VPS13D: variants seen among roughly 807,000 people sequenced by gnomAD.
The protein encoded by VPS13D is intermembrane lipid transfer protein VPS13D.
Under a neutral mutation model 461.9 loss-of-function variants are expected in VPS13D, and 187 were observed. The ratio of observed to expected loss-of-function variants is 0.40; its 90% CI spans 0.36 to 0.46. The LOEUF is 0.46. VPS13D is among the 20% of genes least tolerant of loss of function. The pLI, the probability that VPS13D is intolerant of heterozygous loss-of-function variation, is 0.60. For missense variants in VPS13D, 4,711 were observed against 5,364.9 expected (o/e 0.88, Z 3.81); for synonymous variants, 1,951 against 1,986.3 (o/e 0.98, Z 0.47).
chr1:12,310,173 G>C (rs549994316), intron 27 of VPS13D, among the ~76,000 whole-genome samples: 1 of 152,050 alleles, frequency 6.6e-6, no homozygotes, highest in Non-Finnish European at 1.5e-5. Context: ...GCAGATAATT[G>C]TATTCTGTTA....
At chr1:12,288,369 C>T in intron 22 of VPS13D, 56 bp downstream of exon 22, 4 of 1,452,042 alleles carry the variant, frequency 2.8e-6, no homozygotes, top group South Asian at 1.1e-5. Context: ...AGCATTTGAA[C>T]ATTGTGATCA....
intron 56 of VPS13D, 76 bp from the exon 57 acceptor site, chr1:12,379,412 T>C: frequency 7.4e-7 from 1 of 1,355,802 alleles, no homozygotes; most frequent in Non-Finnish European, 1.0e-6. Flanking sequence ...AGCAAAGCCA[T>C]CATCCTCATG....
intron 6 of VPS13D, among the ~76,000 whole-genome samples, chr1:12,249,959 C>G (rs1640682258): frequency 6.6e-6 from 1 of 152,182 alleles, no homozygotes; most frequent in Non-Finnish European, 1.5e-5. Context: ...CCTCCCACTT[C>G]AGATGCCAGT....
intron 67 of VPS13D, among the ~76,000 whole-genome samples, chr1:12,483,840 A>C (rs1268487322): frequency 6.6e-6 from 1 of 152,122 alleles, no homozygotes; most frequent in Non-Finnish European, 1.5e-5. Flanking sequence ...TCTACTAAAA[A>C]TACAAAAATT....
intron 60 of VPS13D, among the ~76,000 whole-genome samples, chr1:12,387,823 A>G (rs945076739): frequency 1.3e-5 from 2 of 152,222 alleles, no homozygotes; most frequent in African/African-American, 4.8e-5. Context: ...AGGAACAAGA[A>G]AAAAAAGACA....
chr1:12,496,915 C>T (rs1440512233), intron 67 of VPS13D, among the ~76,000 whole-genome samples: 2 of 151,676 alleles, frequency 1.3e-5, no homozygotes, highest in African/African-American at 4.9e-5. Flanking sequence ...GGCATTCTTC[C>T]CCTCGCATGA....
intron 42 of VPS13D, among the ~76,000 whole-genome samples, chr1:12,343,967 A>C (rs1643623672): frequency 1.3e-5 from 2 of 152,238 alleles, no homozygotes; most frequent in African/African-American, 4.8e-5. Flanking sequence ...GCTAATAAGA[A>C]GACAAATTCT....
At chr1:12,394,312 G>A (rs554582002) in intron 60 of VPS13D, among the ~76,000 whole-genome samples, 2 of 152,194 alleles carry the variant, frequency 1.3e-5, no homozygotes, top group South Asian at 4.2e-4. Context: ...GAATGCAGCA[G>A]GCTTCCTATT....
At chr1:12,234,787 A>G (rs1640094601) in intron 2 of VPS13D, among the ~76,000 whole-genome samples, 1 of 152,250 alleles carries the variant, frequency 6.6e-6, no homozygotes, top group South Asian at 2.1e-4. Context: ...ATATACCTCC[A>G]GAGGGTTGCT....
At chr1:12,476,614 T>C (rs1370545848) in intron 67 of VPS13D, among the ~76,000 whole-genome samples, 1 of 152,258 alleles carries the variant, frequency 6.6e-6, no homozygotes, top group Non-Finnish European at 1.5e-5. Context: ...ATTGACTGGA[T>C]TACACATTTT....
chr1:12,324,388 C>T (rs888057216), intron 35 of VPS13D, among the ~76,000 whole-genome samples: 18 of 152,112 alleles, frequency 1.2e-4, no homozygotes. Context: ...GCCTGTAATC[C>T]AGCTACTCAG....
At chr1:12,384,407 T>C (rs1644323226) in intron 58 of VPS13D, among the ~76,000 whole-genome samples, 1 of 152,166 alleles carries the variant, frequency 6.6e-6, no homozygotes, top group Non-Finnish European at 1.5e-5. Flanking sequence ...GAGTTAGGTT[T>C]TGGACTTGTT....
intron 69 of VPS13D, among the ~76,000 whole-genome samples, chr1:12,508,423 C>T (rs887261219): frequency 3.3e-5 from 5 of 151,694 alleles, no homozygotes; most frequent in African/African-American, 1.2e-4. Flanking sequence ...TTAAAAAGAC[C>T]GGCTGGGCGC....
At chr1:12,377,088 T>G (rs1644209291) in intron 55 of VPS13D, among the ~76,000 whole-genome samples, 1 of 151,820 alleles carries the variant, frequency 6.6e-6, no homozygotes, top group Non-Finnish European at 1.5e-5. Context: ...AGACGGAGTT[T>G]CGCTCTTGTT....
At position 12,431,146 on chromosome 1, in the gene VPS13D, T is replaced by G. The variant is rs143969052; in HGVS notation, c.12333+14319T>G. 2.2e-3 allele frequency among the ~76,000 whole-genome samples: 341 copies of G among 152,358 alleles called. 1 individual carries two copies. Among genetic ancestry groups the G allele is most frequent in the African/African-American group, 7.7e-3 (321 of 41,580 alleles). ...GTTTTAATAATATTTCATATGATAA[T>G]TTAAACTCTCTAACTTTTGCCTATT... On this transcript the variant is annotated intron_variant, in intron 65 of 69. Coordinates refer to ENST00000620676, the MANE Select transcript of VPS13D (RefSeq NM_015378.4).
At chr1:12,453,490 A>G (rs1325424386) in intron 65 of VPS13D, among the ~76,000 whole-genome samples, 1 of 152,146 alleles carries the variant, frequency 6.6e-6, no homozygotes, top group Non-Finnish European at 1.5e-5. Flanking sequence ...GGAGACACAC[A>G]GGACATGGGC....
chr1:12,332,063 C>T (rs1643347159), intron 37 of VPS13D, among the ~76,000 whole-genome samples: 1 of 152,200 alleles, frequency 6.6e-6, no homozygotes, highest in Non-Finnish European at 1.5e-5. Context: ...TGGGACACTA[C>T]TAATTATTGG....
At chr1:12,441,382 G>A (rs1486297460) in intron 65 of VPS13D, among the ~76,000 whole-genome samples, 3 of 152,128 alleles carry the variant, frequency 2.0e-5, no homozygotes, top group African/African-American at 2.4e-5. Context: ...GACCAGGGTG[G>A]CCTCCTGTCA....
intron 55 of VPS13D, among the ~76,000 whole-genome samples, chr1:12,375,192 C>A (rs1268049953): frequency 6.6e-6 from 1 of 152,126 alleles, no homozygotes; most frequent in African/African-American, 2.4e-5. Context: ...TGCACCATTC[C>A]TGGAATTTGC....
Sources: allele counts gnomAD v4.1 joint callset (sites outside exome capture counted in the v4.1 genomes callset), GRCh38; gene constraint gnomAD v4.1.1; transcripts MANE v1.5; gene names NCBI Gene and HGNC (gene_info 2026-07-23, HGNC 2026-07-21).